The following GRB14 variants were observed in gnomAD, a reference collection of about 807,000 sequenced individuals.
GRB14 encodes growth factor receptor-bound protein 14.
In GRB14, 38 loss-of-function variants were observed where a neutral mutation model predicts 69.1. The observed-to-expected ratio is 0.55, with a 90% confidence interval of 0.42 to 0.72. The LOEUF is 0.72. Ranked by LOEUF, GRB14 falls within the 30% of genes least tolerant of loss-of-function variation. The probability of loss-of-function intolerance (pLI) is 0.00; values close to 1 mark genes in which losing one functional copy is unlikely to be tolerated. For synonymous variants in GRB14, 247 were observed against 241.3 expected, an observed-to-expected ratio of 1.02 and a Z score of -0.22; for missense variants, 666 against 666.1, an observed-to-expected ratio of 1.00 and a Z score of 0.00.
chr2:164,519,959 A>G (rs1687595487), intron 6 of GRB14, among the ~76,000 whole-genome samples: 1 of 152,092 alleles, frequency 6.6e-6, no homozygotes, highest in South Asian at 2.1e-4. Context: ...TAGAAATTCA[A>G]TGCAATTCTC....
chr2:164,495,326 CAAGA>C (rs1305334777), intron 12 of GRB14, among the ~76,000 whole-genome samples: 5 of 152,084 alleles, frequency 3.3e-5, no homozygotes, highest in African/African-American at 1.2e-4. Flanking sequence ...TACACAATAG[CAAGA>C]AAGAAATCAA....
At chr2:164,583,589 T>C (rs1375992239) in intron 2 of GRB14, among the ~76,000 whole-genome samples, 1 of 151,892 alleles carries the variant, frequency 6.6e-6, no homozygotes, top group Non-Finnish European at 1.5e-5. Flanking sequence ...CTGGAGTAAC[T>C]ACCAAAAAAA....
chr2:164,527,027 A>G lies in GRB14; in HGVS notation c.590T>C (p.Phe197Ser), dbSNP rs1333887589. Residue 197 changes from phenylalanine to serine, a missense_variant, in exon 4 of 14, where the codon TTT becomes TCT. Coordinates refer to ENST00000263915, the MANE Select transcript of GRB14 (RefSeq NM_004490.3). Reference protein sequence around the residue: ...FRKNYAKYEFFKNPMYFFPEH... With the variant: ...FRKNYAKYEFSKNPMYFFPEH... ...GATTTCACTTACCATTGGGTTTTTAAAGAACTCATATTTGGCATAATTTTT... is the reference window on the plus strand; with the variant it reads ...GATTTCACTTACCATTGGGTTTTTAGAGAACTCATATTTGGCATAATTTTT... The G allele has an allele frequency of 1.9e-6, 3 of 1,595,976 alleles. No homozygotes were observed. The highest frequency in any genetic ancestry group is 3.4e-5 in the Admixed American group (2 of 58,824).
chr2:164,581,833 T>TAC (rs528792470), intron 2 of GRB14, among the ~76,000 whole-genome samples: 127 of 152,312 alleles, frequency 8.3e-4, no homozygotes, highest in Non-Finnish European at 1.7e-3. Context: ...CTGGCTTTTA[T>TAC]ACATATTCAA....
chr2:164,573,025 C>T (rs1383668439), intron 2 of GRB14, among the ~76,000 whole-genome samples: 1 of 152,176 alleles, frequency 6.6e-6, no homozygotes, highest in African/African-American at 2.4e-5. Context: ...AAATTTATTC[C>T]ATCAAGCAGC....
chr2:164,516,076 G>T (rs56658922), intron 6 of GRB14, among the ~76,000 whole-genome samples: 4,042 of 151,722 alleles, frequency 0.027, 166 homozygotes, highest in African/African-American at 0.093. Context: ...TATGTTAAAT[G>T]ACCAAACCTA....
intron 6 of GRB14, among the ~76,000 whole-genome samples, chr2:164,520,498 T>C (rs1309503615): frequency 6.6e-6 from 1 of 151,914 alleles, no homozygotes; most frequent in Non-Finnish European, 1.5e-5. Flanking sequence ...AAAATAAAGA[T>C]AAATAGATAG....
intron 2 of GRB14, among the ~76,000 whole-genome samples, chr2:164,560,529 G>C (rs1336389308): frequency 6.6e-6 from 1 of 151,960 alleles, no homozygotes; most frequent in Non-Finnish European, 1.5e-5. Context: ...TTCAGAATTA[G>C]TAAATATTTG....
intron 2 of GRB14, among the ~76,000 whole-genome samples, chr2:164,607,918 T>TTA (rs1218372278): frequency 6.6e-6 from 1 of 152,208 alleles, no homozygotes; most frequent in African/African-American, 2.4e-5. Flanking sequence ...ATAATGTGTC[T>TTA]TATATATATG....
chr2:164,582,785 A>G (rs1346407031), intron 2 of GRB14, among the ~76,000 whole-genome samples: 1 of 152,146 alleles, frequency 6.6e-6, no homozygotes, highest in Non-Finnish European at 1.5e-5. Context: ...ATAACCTAAT[A>G]TCTTCCCTGG....
At chr2:164,532,884 C>T (rs1397445918) in intron 3 of GRB14, among the ~76,000 whole-genome samples, 1 of 152,102 alleles carries the variant, frequency 6.6e-6, no homozygotes, top group African/African-American at 2.4e-5. Context: ...TATATGGACC[C>T]ACCCTCTGCC....
At chr2:164,535,696 A>G (rs1026760899) in intron 3 of GRB14, among the ~76,000 whole-genome samples, 9 of 152,326 alleles carry the variant, frequency 5.9e-5, no homozygotes, top group African/African-American at 1.9e-4. Flanking sequence ...AAAACTGGAG[A>G]AGCAAAGAAT....
chr2:164,502,322 A>C lies in GRB14; in HGVS notation c.1037T>G (p.Leu346Arg). 1 of 1,581,926 alleles carries C rather than the reference A, an allele frequency of 6.3e-7. No individual in the cohort carries two copies. The highest frequency in any genetic ancestry group is 8.7e-7 in the Non-Finnish European group (1 of 1,151,426). The change falls in exon 9 of 14, where the codon CTG becomes CGG. Residue 346 changes from leucine to arginine, a missense_variant. Coordinates refer to ENST00000263915, the MANE Select transcript of GRB14 (RefSeq NM_004490.3). ...ATATGGATGCATATAATTCTGGTAC[A>C]GCTGCATGCCATACTGCAGAATAAA... ...AIRLLKYGMQLYQNYMHPYQG... is the reference protein window; with the variant it reads ...AIRLLKYGMQRYQNYMHPYQG...
intron 2 of GRB14, among the ~76,000 whole-genome samples, chr2:164,567,522 A>G (rs1689007574): frequency 6.6e-6 from 1 of 152,156 alleles, no homozygotes; most frequent in African/African-American, 2.4e-5. Flanking sequence ...GCATATTGCC[A>G]AAACTGAGTT....
In GRB14 at chr2:164,577,094, C is replaced by T. The variant is rs1427657970; in HGVS notation, c.325-29278G>A. Among the ~76,000 whole-genome samples the T allele has an allele frequency of 9.9e-5, 15 of 152,210 alleles. No individual in the cohort carries two copies. In the East Asian group the frequency reaches 2.7e-3, roughly 27 times the overall value. On this transcript the variant is annotated intron_variant, in intron 2 of 13. Transcript: ENST00000263915. ...CCATAAAATTCAAAGAAATTAATTGCTATAGAAGAAAGACAGTTGTCAAAG... is the reference window on the plus strand; with the variant it reads ...CCATAAAATTCAAAGAAATTAATTGTTATAGAAGAAAGACAGTTGTCAAAG...
chr2:164,584,117 G>GGACTATA (rs1025478407), intron 2 of GRB14, among the ~76,000 whole-genome samples: 7 of 148,894 alleles, frequency 4.7e-5, no homozygotes, highest in African/African-American at 1.7e-4. Context: ...TTCCAAGCTG[G>GGACTATA]GACTATAGGC....
rs188946047 is a variant in GRB14 at position 164,533,422 on chromosome 2, C to G, written c.482-6287G>C. ...TAATTTTTCCTATTTTTAGTAGAGA[C>G]GGGGTTTCACCATGGTCTTGATCTC... On this transcript the variant is annotated intron_variant, in intron 3 of 13. Transcript: ENST00000263915. Among the ~76,000 whole-genome samples the G allele has an allele frequency of 4.3e-3, 647 of 151,798 alleles. 4 individuals carry two copies. Among genetic ancestry groups the G allele is most frequent in the Middle Eastern group, 0.01 (3 of 294 alleles).
intron 3 of GRB14, among the ~76,000 whole-genome samples, chr2:164,537,804 C>T (rs1688117308): frequency 1.3e-5 from 2 of 152,258 alleles, no homozygotes; most frequent in Middle Eastern, 3.4e-3. Flanking sequence ...CACCATGTCT[C>T]CTGAAAGCCC....
intron 3 of GRB14, among the ~76,000 whole-genome samples, chr2:164,544,296 A>C (rs539091942): frequency 6.6e-6 from 1 of 152,308 alleles, no homozygotes; most frequent in Non-Finnish European, 1.5e-5. Context: ...TCCTTAATAC[A>C]AATAATTTGC....
Sources: gnomAD v4.1 joint callset for allele counts (sites outside exome capture counted in the v4.1 genomes callset) on GRCh38, gnomAD v4.1.1 for gene constraint, MANE v1.5 for transcripts, NCBI Gene and HGNC (gene_info 2026-07-23, HGNC 2026-07-21) for gene names.